Variants in GSK3B observed in about 807,000 individuals in gnomAD.
The protein encoded by GSK3B is glycogen synthase kinase 3 beta, also known as glycogen synthase kinase-3 beta.
A neutral mutation model predicts 56.4 loss-of-function variants in GSK3B; 15 were observed. The ratio of observed to expected loss-of-function variants is 0.27; its 90% CI spans 0.18 to 0.41. The LOEUF is 0.41. Among genes scored for constraint, GSK3B ranks in the 10% least tolerant of loss-of-function variants. GSK3B has a pLI of 1.00. For missense variants in GSK3B, 300 were observed against 513.4 expected, an observed-to-expected ratio of 0.58 and a Z score of 4.02; for synonymous variants, 181 against 188.9, an observed-to-expected ratio of 0.96 and a Z score of 0.34.
chr3:120,014,244 G>A (rs1049411270), intron 1 of GSK3B, among the ~76,000 whole-genome samples: 1 of 151,888 alleles, frequency 6.6e-6, no homozygotes, highest in Admixed American at 6.6e-5. Flanking sequence ...GCCATGGCAG[G>A]CACCATAGTG....
intron 9 of GSK3B, among the ~76,000 whole-genome samples, chr3:119,861,807 C>G (rs1438598987): frequency 6.6e-6 from 1 of 152,146 alleles, no homozygotes; most frequent in Non-Finnish European, 1.5e-5. Flanking sequence ...TCTGTAACGT[C>G]TGCACAAGGA....
intron 3 of GSK3B, among the ~76,000 whole-genome samples, chr3:119,939,255 A>G (rs1231429457): frequency 5.9e-5 from 9 of 152,172 alleles, no homozygotes; most frequent in Non-Finnish European, 1.2e-4. Flanking sequence ...AATTGCACAT[A>G]CTTTGGGCAA....
At chr3:119,893,839 A>G (rs1481600386) in intron 7 of GSK3B, among the ~76,000 whole-genome samples, 1 of 151,790 alleles carries the variant, frequency 6.6e-6, no homozygotes, top group Non-Finnish European at 1.5e-5. Context: ...TGACAAAGAC[A>G]TTCTTTTACA....
intron 7 of GSK3B, among the ~76,000 whole-genome samples, chr3:119,888,711 C>A (rs945679848): frequency 1.3e-5 from 2 of 152,088 alleles, no homozygotes; most frequent in Non-Finnish European, 2.9e-5. Context: ...CCATATTTTT[C>A]TTCTTGCAGA....
At chr3:119,861,217 T>C (rs972330330) in intron 9 of GSK3B, among the ~76,000 whole-genome samples, 1 of 152,012 alleles carries the variant, frequency 6.6e-6, no homozygotes, top group Non-Finnish European at 1.5e-5. Context: ...TCAAATAGAA[T>C]GGCATCATCA....
At chr3:120,029,511 G>A (rs537208241) in intron 1 of GSK3B, 1 of 636,560 alleles carries the variant, frequency 1.6e-6, no homozygotes, top group Non-Finnish European at 3.0e-6. Flanking sequence ...TGTCAGTTAT[G>A]TGTGTAAAGT....
intron 4 of GSK3B, among the ~76,000 whole-genome samples, chr3:119,917,573 A>T (rs1356426452): frequency 1.2e-4 from 18 of 152,016 alleles, no homozygotes; most frequent in Admixed American, 1.2e-3. Context: ...AACTGAGTTC[A>T]TAGGCATAAA....
In GSK3B at chr3:119,830,457, C is replaced by A. The variant is rs116196239; in HGVS notation, c.1196-3602G>T. Among the ~76,000 whole-genome samples, 606 of 152,126 alleles carry A rather than the reference C, an allele frequency of 4.0e-3. 7 individuals are homozygous for A. The highest frequency in any genetic ancestry group is 0.014 in the African/African-American group (571 of 41,540). On this transcript the variant is annotated intron_variant, in intron 10 of 10. Coordinates refer to ENST00000264235, the MANE Select transcript of GSK3B (RefSeq NM_001146156.2). ...CATTGGATTTAGTTTAGTGTAATTT[C>A]TGTAACTTTTCTTCTCAAACATTTA...
intron 1 of GSK3B, chr3:120,028,965 T>C (rs1424295560): frequency 7.0e-6 from 4 of 573,428 alleles, no homozygotes; most frequent in South Asian, 5.9e-5. Flanking sequence ...ACAAGAGAAG[T>C]GCTTTGGTTC....
At chr3:120,010,032 AAAAG>A (rs1343214940) in intron 1 of GSK3B, among the ~76,000 whole-genome samples, 3 of 152,172 alleles carry the variant, frequency 2.0e-5, no homozygotes, top group Admixed American at 1.3e-4. Context: ...ACCACTTGTG[AAAAG>A]AAAGAACTCA....
chr3:119,939,396 C>G (rs911310884), intron 3 of GSK3B, among the ~76,000 whole-genome samples: 1 of 152,092 alleles, frequency 6.6e-6, no homozygotes, highest in African/African-American at 2.4e-5. Context: ...AGAAGTGATA[C>G]AATCAGAAGG....
At chr3:119,861,362 T>G (rs1319693396) in intron 9 of GSK3B, among the ~76,000 whole-genome samples, 1 of 151,606 alleles carries the variant, frequency 6.6e-6, no homozygotes, top group East Asian at 1.9e-4. Context: ...AATACAAAAA[T>G]TAGCCAGGTA....
chr3:119,890,532 C>A (rs1022180921), intron 7 of GSK3B, among the ~76,000 whole-genome samples: 3 of 151,964 alleles, frequency 2.0e-5, no homozygotes, highest in Non-Finnish European at 4.4e-5. Flanking sequence ...TTGCCTGGGA[C>A]CATCTTGGCA....
chr3:120,032,912 T>C (rs181463727), intron 1 of GSK3B, among the ~76,000 whole-genome samples: 59 of 152,322 alleles, frequency 3.9e-4, no homozygotes, highest in Non-Finnish European at 6.0e-4. Flanking sequence ...AAAGTGCACA[T>C]TGAACGATTT....
chr3:120,001,225 G>A (rs2057673718), intron 2 of GSK3B, among the ~76,000 whole-genome samples: 1 of 151,966 alleles, frequency 6.6e-6, no homozygotes, highest in Admixed American at 6.6e-5. Flanking sequence ...GTTCACAGGA[G>A]ATCTGGTTAT....
intron 7 of GSK3B, among the ~76,000 whole-genome samples, chr3:119,888,335 T>A (rs2056463475): frequency 6.6e-6 from 1 of 152,178 alleles, no homozygotes; most frequent in East Asian, 1.9e-4. Flanking sequence ...TATGGACATT[T>A]ATCAGTTCCC....
intron 3 of GSK3B, among the ~76,000 whole-genome samples, chr3:119,933,819 G>C (rs980135792): frequency 6.6e-6 from 1 of 152,234 alleles, no homozygotes; most frequent in Non-Finnish European, 1.5e-5. Flanking sequence ...AGAGGTTGCA[G>C]TGAGCAGAGA....
At chr3:120,074,593 G>A (rs2058354294) in intron 1 of GSK3B, among the ~76,000 whole-genome samples, 1 of 151,930 alleles carries the variant, frequency 6.6e-6, no homozygotes, top group Admixed American at 6.6e-5. Flanking sequence ...TGGGATTACA[G>A]GTGTGAGCCA....
intron 3 of GSK3B, among the ~76,000 whole-genome samples, chr3:119,933,449 C>CA (rs1242566256): frequency 6.6e-6 from 1 of 152,182 alleles, no homozygotes; most frequent in Non-Finnish European, 1.5e-5. Context: ...TGTGTGTGTA[C>CA]ACGCTCGTGC....
Sources: allele counts gnomAD v4.1 joint callset (sites outside exome capture counted in the v4.1 genomes callset), GRCh38; gene constraint gnomAD v4.1.1; transcripts MANE v1.5; gene names NCBI Gene and HGNC (gene_info 2026-07-23, HGNC 2026-07-21).